PANX2: variants seen among roughly 807,000 people sequenced by gnomAD.
The protein encoded by PANX2 is pannexin-2.
Under a neutral mutation model 38.7 loss-of-function variants are expected in PANX2, and 30 were observed. The observed-to-expected ratio is 0.78, with a 90% CI of 0.58 to 1.05. The LOEUF is 1.05. Among genes scored for constraint, PANX2 ranks in the 50% least tolerant of loss-of-function variants. PANX2 has a pLI of 0.00. For synonymous variants in PANX2, 539 were observed against 472.1 expected (o/e 1.14, Z -1.84); for missense variants, 880 against 979.3 (o/e 0.90, Z 1.35).
Position 50,177,325 on chromosome 22 carries a change from C to G in PANX2, c.613C>G (p.Pro205Ala). ...IIENAEKEKS[P>A]EQNLFEKYLE... is the part of the protein sequence containing the mutation. ...CGAGAACGCGGAGAAGGAGAAGAGC[C>G]CGGAGCAGAACCTGTTCGAGAAGTA... Residue 205 changes from proline (P) to alanine (A), a missense_variant, in exon 2 of 3, where the codon CCG becomes GCG. Pro to Ala is a conservative substitution (Grantham distance 27). Around this residue, in one of 4 missense-constraint regions of PANX2, gnomAD observed 243 missense variants for 333.1 expected, o/e 0.73. Coordinates refer to ENST00000395842, the MANE Select transcript of PANX2 (RefSeq NM_052839.4). 3 of 1,611,068 alleles carry G rather than the reference C, an allele frequency of 1.9e-6. No individual in the cohort carries two copies. The highest frequency in any genetic ancestry group is 2.5e-6 in the Non-Finnish European group (3 of 1,179,168).
chr22:50,178,947 C>G lies in PANX2; in HGVS notation c.1704C>G (p.Pro568=). The change falls in exon 3 of 3, where the codon CCC becomes CCG. Residue 568 remains proline (P), a synonymous_variant. Transcript: ENST00000395842. ...APAPIKDAPL[P]EKEIPYPTEP... ...GGCTGTTTGCAGATGCTCCGCTCCC[C>G]GAGAAGGAAATCCCGTACCCCACAG... The G allele has an allele frequency of 2.5e-6, 4 of 1,575,566 alleles. No homozygotes were observed. Among genetic ancestry groups the G allele is most frequent in the Non-Finnish European group, 3.5e-6 (4 of 1,158,988 alleles).
chr22:50,174,326 C>T (rs538767997), intron 1 of PANX2, among the ~76,000 whole-genome samples: 13 of 151,244 alleles, frequency 8.6e-5, no homozygotes, highest in Non-Finnish European at 1.8e-4. Context: ...GATGGCAGAA[C>T]CGAAGAAGGG....
chr22:50,178,218 G>A lies in PANX2; in HGVS notation c.1506G>A (p.Pro502=), dbSNP rs756342745. 2 of 952,714 alleles carry A rather than the reference G, an allele frequency of 2.1e-6. No individual in the cohort carries two copies. The highest frequency in any genetic ancestry group is 2.8e-6 in the Non-Finnish European group (2 of 704,584). 59.0% of individuals were successfully genotyped at this position (952,714 alleles called of 1,614,324 possible). ...GCCCCGCCCCTGCCCCCGCCCCGCCGCCCGCCCCTGACAAGAAGCACGCGC... is the reference window on the plus strand; with the variant it reads ...GCCCCGCCCCTGCCCCCGCCCCGCCACCCGCCCCTGACAAGAAGCACGCGC... The part of the protein sequence containing the change: ...GPGPAPAPAP[P]PAPDKKHARH... The change falls in exon 2 of 3, where the codon CCG becomes CCA. Residue 502 remains proline (P), a synonymous_variant. Coordinates refer to ENST00000395842, the MANE Select transcript of PANX2 (RefSeq NM_052839.4).
chr22:50,174,909 G>C lies in PANX2; in HGVS notation c.227-2030G>C, dbSNP rs112794505. Among the ~76,000 whole-genome samples, 8 of 152,314 alleles carry C rather than the reference G, an allele frequency of 5.3e-5. No individual in the cohort carries two copies. The East Asian group carries it at 5.8e-4, about 11-fold the overall frequency. ...CGGCTGCCAGCACAGCTTTGAGTCC[G>C]TCAGGACCTGCTGAGGCTGCCAGGA... is the stretch of plus-strand genomic sequence containing the variant. On this transcript the variant is annotated intron_variant, in intron 1 of 2. Coordinates refer to ENST00000395842, the MANE Select transcript of PANX2 (RefSeq NM_052839.4).
intron 1 of PANX2, among the ~76,000 whole-genome samples, chr22:50,172,831 C>T (rs1299822772): frequency 2.0e-5 from 3 of 151,772 alleles, no homozygotes; most frequent in East Asian, 3.9e-4. Flanking sequence ...CGGGTTCAAG[C>T]GATTCTCCTG....
In PANX2 at chr22:50,177,538, C is replaced by G. The variant is rs1455469360; in HGVS notation, c.826C>G (p.Arg276Gly). ...GGCGGCAGGTGCGGGGCCCGCGGTGCGCGTGAGCTGCAAGCTCCCGTCCGT... is the reference window on the plus strand; with the variant it reads ...GGCGGCAGGTGCGGGGCCCGCGGTGGGCGTGAGCTGCAAGCTCCCGTCCGT... ...DGAAGAGPAV[R>G]VSCKLPSVQL... Residue 276 changes from arginine to glycine, a missense_variant, in exon 2 of 3, where the codon CGC (arginine) becomes GGC (glycine). Arg to Gly is a moderately radical substitution (Grantham distance 125, BLOSUM62 -2). This residue lies in a region of PANX2 where 114 missense variants were observed against 108.8 expected (regional missense o/e 1.05). Coordinates refer to ENST00000395842, the MANE Select transcript of PANX2 (RefSeq NM_052839.4). The G allele has an allele frequency of 6.2e-7, 1 of 1,610,822 alleles. No individual in the cohort carries two copies. Among genetic ancestry groups the G allele is most frequent in the African/African-American group, 1.3e-5 (1 of 74,902 alleles).
intron 1 of PANX2, 81 bp downstream of exon 1, chr22:50,171,037 C>G: frequency 1.5e-6 from 1 of 689,562 alleles, no homozygotes; most frequent in South Asian, 3.0e-5. Flanking sequence ...CCCGCGTCCC[C>G]GGCGGCTCCG....
Position 50,170,842 on chromosome 22 carries a change from G to C in PANX2, c.112G>C (p.Ala38Pro). 2 of 1,495,962 alleles carry C rather than the reference G, an allele frequency of 1.3e-6. No individual in the cohort carries two copies. Among genetic ancestry groups the C allele is most frequent in the Non-Finnish European group, 1.8e-6 (2 of 1,120,014 alleles). The allele number at this position is 1,495,962 out of a possible 1,614,324, so 92.7% of individuals were successfully genotyped here. Residue 38 changes from alanine (A) to proline (P), a missense_variant, in exon 1 of 3, where the codon GCC (alanine) becomes CCC (proline). Around this residue, in one of 4 missense-constraint regions of PANX2, gnomAD observed 243 missense variants for 333.1 expected, o/e 0.73. Coordinates refer to ENST00000395842, the MANE Select transcript of PANX2 (RefSeq NM_052839.4). ...GAQDDKAGAL[A>P]ALLLQLKLEL... ...GCAGGACGACAAGGCGGGCGCGCTG[G>C]CCGCGCTGCTTCTGCAGCTGAAGCT...
In PANX2 at chr22:50,177,036, C is replaced by G; in HGVS notation, c.324C>G (p.Pro108=). 1 of 1,606,800 alleles carries G rather than the reference C, an allele frequency of 6.2e-7. No homozygotes were observed. The highest frequency in any genetic ancestry group is 8.5e-7 in the Non-Finnish European group (1 of 1,178,120). ...YCWTELRDAL[P]GVDASLWPSL... is the part of the protein sequence containing the mutation. ...GGACGGAGCTGCGGGACGCGCTGCC[C>G]GGCGTGGACGCCAGCCTGTGGCCGT... Residue 108 remains proline (P), a synonymous_variant, in exon 2 of 3, where the codon CCC becomes CCG. Coordinates refer to ENST00000395842, the MANE Select transcript of PANX2 (RefSeq NM_052839.4).
Position 50,179,147 on chromosome 22 carries a change from G to A in PANX2, c.1904G>A (p.Arg635Gln), listed in dbSNP as rs374232364. 4.0e-5 allele frequency: 64 copies of A among 1,612,194 alleles called. No individual in the cohort carries two copies. The highest frequency in any genetic ancestry group is 4.8e-5 in the Non-Finnish European group (57 of 1,179,726). The change falls in exon 3 of 3, where the codon CGG (arginine) becomes CAG (glutamine). Residue 635 changes from arginine to glutamine, a missense_variant. Arg to Gln is a conservative substitution (Grantham distance 43, BLOSUM62 1). Coordinates refer to ENST00000395842, the MANE Select transcript of PANX2 (RefSeq NM_052839.4). Reference protein sequence around the residue: ...LLHINTLYEAREEEDGGPRLP... With the variant: ...LLHINTLYEAQEEEDGGPRLP... ...CACATCAACACGCTGTACGAGGCCC[G>A]GGAGGAGGAGGACGGGGGCCCCCGC...
chr22:50,178,468 G>A (rs1458094239), intron 2 of PANX2, 66 bp downstream of exon 2: 11 of 1,148,090 alleles, frequency 9.6e-6, no homozygotes, highest in Non-Finnish European at 1.2e-5. Flanking sequence ...CAGCCACAGC[G>A]GCCCACGGGA....
Position 50,173,523 on chromosome 22 carries a change from G to A in PANX2, c.226+2567G>A, listed in dbSNP as rs187278286. Among the ~76,000 whole-genome samples the A allele has an allele frequency of 3.6e-3, 547 of 152,392 alleles. 1 individual carries two copies. Among genetic ancestry groups the A allele is most frequent in the Admixed American group, 9.9e-3 (152 of 15,314 alleles). On this transcript the variant is annotated intron_variant, in intron 1 of 2. Coordinates refer to ENST00000395842, the MANE Select transcript of PANX2 (RefSeq NM_052839.4). ...TGCTGTCTCAGGATGCAGTACCCTC[G>A]AAGGTTGGGGGCCAAGTCCCAGGGT...
Position 50,179,622 on chromosome 22 carries a change from GC to G in PANX2, c.*349del. 1 of 259,350 alleles carries G rather than the reference GC, an allele frequency of 3.9e-6. No individual in the cohort carries two copies. Among genetic ancestry groups the G allele is most frequent in the Non-Finnish European group, 7.5e-6 (1 of 133,194 alleles). The allele number at this position is 259,350 out of a possible 1,614,324, so 16.1% of individuals were successfully genotyped here. On this transcript the variant is annotated 3_prime_UTR_variant, in exon 3 of 3. Transcript: ENST00000395842. The stretch of plus-strand genomic sequence containing the variant: ...TATTTTTTTAGTCCGTTTCGTCCTG[GC>G]CCCGGGCTGTGGCGAGACAGCCCAA...
chr22:50,178,148 G>A lies in PANX2; in HGVS notation c.1436G>A (p.Arg479His), dbSNP rs1223775217. ...TDTLIAPLLD[R>H]SAHHYKGGGG... ...ACGCTGATCGCGCCGCTGCTGGACC[G>A]CTCCGCCCACCACTACAAGGGCGGA... is the stretch of plus-strand genomic sequence containing the variant. Residue 479 changes from arginine (R) to histidine (H), a missense_variant, in exon 2 of 3, where the codon CGC (arginine) becomes CAC (histidine). Arg to His is a conservative substitution (Grantham distance 29). Transcript: ENST00000395842. 9.2e-6 allele frequency: 14 copies of A among 1,520,026 alleles called. No homozygotes were observed. In the African/African-American group the frequency reaches 9.9e-5, roughly 11 times the overall value. 94.2% of individuals were successfully genotyped at this position (1,520,026 alleles called of 1,614,324 possible).
At position 50,171,005 on chromosome 22, in the gene PANX2, A is replaced by G. The variant is rs372615292; in HGVS notation, c.226+49A>G. ...GGGCGCGGGCAGAGGGGGCGTCCGC[A>G]GGTGTCCGGGAGCTGGCGCTTCCCG... On this transcript the variant is annotated intron_variant, in intron 1 of 2. Coordinates refer to ENST00000395842, the MANE Select transcript of PANX2 (RefSeq NM_052839.4). 9.2e-4 allele frequency: 988 copies of G among 1,073,160 alleles called. 7 individuals are homozygous for G. In the African/African-American group the frequency reaches 0.015, roughly 16 times the overall value. 66.5% of individuals were successfully genotyped at this position (1,073,160 alleles called of 1,614,324 possible).
At position 50,177,669 on chromosome 22, in the gene PANX2, C is replaced by G; in HGVS notation, c.957C>G (p.Asn319Lys). Residue 319 changes from asparagine to lysine, a missense_variant, in exon 2 of 3, where the codon AAC becomes AAG. Coordinates refer to ENST00000395842, the MANE Select transcript of PANX2 (RefSeq NM_052839.4). ...ACCTCTTCATCTTCCGCAAGAGCAA[C>G]TTCATCTTCGACAAGCTGCACAAGG... The part of the protein sequence containing the change: ...LIHLFIFRKS[N>K]FIFDKLHKVG... The G allele has an allele frequency of 6.2e-7, 1 of 1,612,554 alleles. No homozygotes were observed. Among genetic ancestry groups the G allele is most frequent in the Non-Finnish European group, 8.5e-7 (1 of 1,179,990 alleles).
intron 1 of PANX2, among the ~76,000 whole-genome samples, chr22:50,174,405 G>A (rs186175962): frequency 3.3e-5 from 5 of 152,206 alleles, no homozygotes; most frequent in African/African-American, 1.2e-4. Flanking sequence ...TCTGAATATG[G>A]GAATATGGGC....
intron 1 of PANX2, among the ~76,000 whole-genome samples, chr22:50,172,696 T>C (rs549643000): frequency 1.3e-5 from 2 of 151,832 alleles, no homozygotes; most frequent in South Asian, 4.2e-4. Flanking sequence ...TGAGCCACTG[T>C]GCCCTTTTCT....
intron 1 of PANX2, among the ~76,000 whole-genome samples, chr22:50,175,683 C>A (rs1164719124): frequency 6.6e-6 from 1 of 152,152 alleles, no homozygotes; most frequent in Non-Finnish European, 1.5e-5. Flanking sequence ...GATCTGATGA[C>A]TCATGGGAAC....
Sources: allele counts gnomAD v4.1 joint callset (sites outside exome capture counted in the v4.1 genomes callset), GRCh38; gene constraint gnomAD v4.1.1; regional missense constraint gnomAD v4.1.1; transcripts MANE v1.5; gene names NCBI Gene and HGNC (gene_info 2026-07-23, HGNC 2026-07-21).